The following PRKN variants were observed in gnomAD, a reference collection of about 807,000 sequenced individuals.
The protein encoded by PRKN is parkin RBR E3 ubiquitin protein ligase.
In PRKN, 56 loss-of-function variants were observed where a neutral mutation model predicts 59.5. The ratio of observed to expected loss-of-function variants is 0.94; its 90% CI spans 0.76 to 1.18. The LOEUF is 1.18. Among genes scored for constraint, PRKN ranks in the 50% most tolerant of loss-of-function variants. The pLI is 0.00. For missense variants in PRKN, 657 were observed against 596.4 expected, an observed-to-expected ratio of 1.10 and a Z score of -1.06; for synonymous variants, 250 against 222.1, an observed-to-expected ratio of 1.13 and a Z score of -1.12.
At chr6:162,001,431 CTTAATCCGAAATTCCACTT>C (rs1395722029) in intron 5 of PRKN, among the ~76,000 whole-genome samples, 12 of 152,112 alleles carry the variant, frequency 7.9e-5, no homozygotes, top group African/African-American at 2.9e-4. Context: ...TTATTGCGTT[CTTAATCCGAAATTCCACTT>C]GTACATTGCT....
chr6:162,305,955 T>G (rs1254324803), intron 2 of PRKN, among the ~76,000 whole-genome samples: 2 of 152,130 alleles, frequency 1.3e-5, no homozygotes, highest in African/African-American at 4.8e-5. Context: ...CTTTTACATG[T>G]TTTAATCTTT....
At chr6:162,610,832 T>C (rs901690862) in intron 1 of PRKN, among the ~76,000 whole-genome samples, 2 of 152,208 alleles carry the variant, frequency 1.3e-5, no homozygotes, top group Non-Finnish European at 2.9e-5. Flanking sequence ...CGAGATTTTA[T>C]GATAAATTTT....
intron 6 of PRKN, among the ~76,000 whole-genome samples, chr6:161,932,961 T>G (rs1374417485): frequency 7.2e-5 from 11 of 152,236 alleles, no homozygotes; most frequent in Admixed American, 7.2e-4. Context: ...ATGTGGGTTA[T>G]AAGTATCAAT....
At chr6:161,728,183 T>G (rs1198597223) in intron 7 of PRKN, among the ~76,000 whole-genome samples, 2 of 152,042 alleles carry the variant, frequency 1.3e-5, no homozygotes, top group Admixed American at 6.5e-5. Flanking sequence ...TGTTTAAAGT[T>G]CTCTCAGTTC....
intron 6 of PRKN, among the ~76,000 whole-genome samples, chr6:161,943,027 T>A (rs1010709996): frequency 1.3e-5 from 2 of 152,220 alleles, no homozygotes; most frequent in Non-Finnish European, 2.9e-5. Context: ...GCAAAAGAAC[T>A]GCTACTTACT....
At chr6:161,745,929 G>A (rs977541051) in intron 7 of PRKN, among the ~76,000 whole-genome samples, 6 of 152,230 alleles carry the variant, frequency 3.9e-5, no homozygotes, top group African/African-American at 1.2e-4. Flanking sequence ...GTGCCTGAGA[G>A]CTTGCTCAGA....
At chr6:161,612,376 G>T (rs1362887838) in intron 7 of PRKN, among the ~76,000 whole-genome samples, 2 of 152,160 alleles carry the variant, frequency 1.3e-5, no homozygotes, top group African/African-American at 4.8e-5. Context: ...GTGACTTTAA[G>T]TAGAAACCAA....
chr6:161,680,313 A>G (rs1202122633), intron 7 of PRKN, among the ~76,000 whole-genome samples: 2 of 152,140 alleles, frequency 1.3e-5, no homozygotes, highest in Non-Finnish European at 2.9e-5. Flanking sequence ...ATTGCTAGCT[A>G]GGTTAACACG....
intron 7 of PRKN, among the ~76,000 whole-genome samples, chr6:161,764,184 C>T (rs1352580817): frequency 6.6e-6 from 1 of 152,220 alleles, no homozygotes; most frequent in African/African-American, 2.4e-5. Flanking sequence ...TCCTGCCTCA[C>T]TTCCTCCGTT....
rs1582987556 is a variant in PRKN, at chr6:161,373,648, TA to T, written c.1167+13145del. Reference sequence around the variant, plus strand: ...CTCTGTGCTTGCAGGGGTGATGAGTTAAATGGGCTACACCTCTGTGCTTGCG... The same window carrying T: ...CTCTGTGCTTGCAGGGGTGATGAGTTAATGGGCTACACCTCTGTGCTTGCG... On this transcript the variant is annotated intron_variant, in intron 10 of 11. Transcript: ENST00000366898. This position sits in a 1 kb window ranked among gnomAD's most constrained non-coding sequence, Gnocchi z 4.8. 6.6e-6 allele frequency among the ~76,000 whole-genome samples: 1 copy of T among 151,460 alleles called. No homozygotes were observed. Among genetic ancestry groups the T allele is most frequent in the African/African-American group, 2.4e-5 (1 of 41,148 alleles).
At chr6:162,633,836 G>A (rs1777609883) in intron 1 of PRKN, among the ~76,000 whole-genome samples, 1 of 152,130 alleles carries the variant, frequency 6.6e-6, no homozygotes. Flanking sequence ...CTAAACAAGA[G>A]ACTAACGACT....
Position 161,373,382 on chromosome 6 carries a change from G to T in PRKN, c.1168-13177C>A, listed in dbSNP as rs1785518018. 6.6e-6 allele frequency among the ~76,000 whole-genome samples: 1 copy of T among 152,086 alleles called. No homozygotes were observed. Among genetic ancestry groups the T allele is most frequent in the Non-Finnish European group, 1.5e-5 (1 of 68,030 alleles). On this transcript the variant is annotated intron_variant, in intron 10 of 11. Coordinates refer to ENST00000366898, the MANE Select transcript of PRKN (RefSeq NM_004562.3). The surrounding 1 kb of genome is among the most constrained non-coding windows in gnomAD (Gnocchi z 4.8). The stretch of plus-strand genomic sequence containing the variant: ...CTCATGTTTAAGACTAGATCTGTTT[G>T]ACTTCAAGCCCCCTCTGCTTGTCTT...
chr6:162,641,633 A>G (rs1312143530), intron 1 of PRKN, among the ~76,000 whole-genome samples: 1 of 152,192 alleles, frequency 6.6e-6, no homozygotes, highest in Admixed American at 6.5e-5. Context: ...AGGTCCACAC[A>G]AAGTTGAGAT....
At chr6:162,025,323 T>G (rs1783389274) in intron 5 of PRKN, among the ~76,000 whole-genome samples, 1 of 152,116 alleles carries the variant, frequency 6.6e-6, no homozygotes. Flanking sequence ...AATTATGTAT[T>G]ATTTATAAAT....
chr6:161,541,861 C>T (rs2115410833), intron 9 of PRKN, among the ~76,000 whole-genome samples: 1 of 152,178 alleles, frequency 6.6e-6, no homozygotes, highest in Non-Finnish European at 1.5e-5. Context: ...TTCATATTTA[C>T]CTTTATTTCA....
Position 161,446,062 on chromosome 6 carries a change from G to C in PRKN, c.1084-59185C>G, listed in dbSNP as rs1033259726. Among the ~76,000 whole-genome samples, 2 of 151,440 alleles carry C rather than the reference G, an allele frequency of 1.3e-5. No individual in the cohort carries two copies. Among genetic ancestry groups the C allele is most frequent in the African/African-American group, 4.8e-5 (2 of 41,364 alleles). ...CTATAAAAAATATAAAACTTAGCTG[G>C]GTGTGGTGGCACATGCCTATGGTCC... is the stretch of plus-strand genomic sequence containing the variant. On this transcript the variant is annotated intron_variant, in intron 9 of 11. Coordinates refer to ENST00000366898, the MANE Select transcript of PRKN (RefSeq NM_004562.3). This position sits in a 1 kb window ranked among gnomAD's most constrained non-coding sequence, Gnocchi z 6.2.
intron 7 of PRKN, among the ~76,000 whole-genome samples, chr6:161,731,218 G>T (rs1256156130): frequency 6.6e-6 from 1 of 152,244 alleles, no homozygotes; most frequent in Non-Finnish European, 1.5e-5. Context: ...CTGTATGCAG[G>T]GTTACAGGAA....
chr6:162,466,722 T>C (rs1791433516), intron 1 of PRKN, among the ~76,000 whole-genome samples: 1 of 152,092 alleles, frequency 6.6e-6, no homozygotes, highest in South Asian at 2.1e-4. Context: ...TTTGCTTTTT[T>C]TTTAATGTGC....
intron 7 of PRKN, among the ~76,000 whole-genome samples, chr6:161,733,580 T>C (rs572876831): frequency 1.3e-5 from 2 of 151,998 alleles, no homozygotes; most frequent in Non-Finnish European, 2.9e-5. Flanking sequence ...AGATTTGTCA[T>C]GACATAATTG....
Sources: gnomAD v4.1 joint callset for allele counts (sites outside exome capture counted in the v4.1 genomes callset) on GRCh38, gnomAD v4.1.1 for gene constraint, Gnocchi (gnomAD v3.1) non-coding constraint, MANE v1.5 for transcripts, NCBI Gene and HGNC (gene_info 2026-07-23, HGNC 2026-07-21) for gene names.